Variants in PLAAT1 observed in about 807,000 individuals in gnomAD.
The protein encoded by PLAAT1 is phospholipase A and acyltransferase 1.
In PLAAT1, 13 loss-of-function variants were observed where a neutral mutation model predicts 16.4. The observed-to-expected ratio is 0.79, with a 90% CI of 0.52 to 1.26. PLAAT1 has a LOEUF of 1.26. Ranked by LOEUF, PLAAT1 falls within the 50% of genes most tolerant of loss-of-function variation. The pLI, the probability that PLAAT1 is intolerant of heterozygous loss-of-function variation, is 0.00. For synonymous variants in PLAAT1, 73 were observed against 78.4 expected, an observed-to-expected ratio of 0.93 and a Z score of 0.36; for missense variants, 218 against 207.8, an observed-to-expected ratio of 1.05 and a Z score of -0.30.
At position 193,270,636 on chromosome 3, in the gene PLAAT1, G is replaced by A; in HGVS notation, c.438G>A (p.Val146=). 1 of 1,613,610 alleles carries A rather than the reference G, an allele frequency of 6.2e-7. No individual in the cohort carries two copies. The highest frequency in any genetic ancestry group is 8.5e-7 in the Non-Finnish European group (1 of 1,179,656). ...GAGCGATAAGTACCGTTGAGTTTGT[G>A]ACAGCTGCTGTTGGTGTCTTCTCAT... ...ANRAISTVEF[V]TAAVGVFSFL... The change falls in exon 4 of 4, where the codon GTG becomes GTA. Residue 146 remains valine (V), a synonymous_variant. Coordinates refer to ENST00000264735, the MANE Select transcript of PLAAT1 (RefSeq NM_020386.5).
intron 3 of PLAAT1, among the ~76,000 whole-genome samples, chr3:193,267,587 C>A (rs1577311882): frequency 6.6e-6 from 1 of 152,102 alleles, no homozygotes; most frequent in Admixed American, 6.6e-5. Context: ...CTTGATTTAC[C>A]ACACCTTATT....
intron 3 of PLAAT1, among the ~76,000 whole-genome samples, chr3:193,263,972 A>G (rs1264792014): frequency 6.6e-6 from 1 of 152,202 alleles, no homozygotes; most frequent in Non-Finnish European, 1.5e-5. Context: ...ATATAAAACT[A>G]TTATCAAAAG....
At chr3:193,275,355 C>A, downstream of PLAAT1, 1 of 1,587,568 alleles carries the variant, frequency 6.3e-7, no homozygotes, top group Non-Finnish European at 8.5e-7. Context: ...CCCCCTGCAG[C>A]CAGGCCGCTG....
chr3:193,243,358 A>G (rs904037590), intron 1 of PLAAT1, among the ~76,000 whole-genome samples: 16 of 152,312 alleles, frequency 1.1e-4, no homozygotes, highest in Non-Finnish European at 1.8e-4. Flanking sequence ...GACAGGTTAC[A>G]GATATTTGCC....
chr3:193,241,982 C>G (rs1215607038), intron 1 of PLAAT1, among the ~76,000 whole-genome samples: 3 of 152,316 alleles, frequency 2.0e-5, no homozygotes, highest in African/African-American at 2.4e-5. Flanking sequence ...GCGAGGCACT[C>G]TCACCGGAGA....
chr3:193,255,275 T>C (rs1716333334), intron 1 of PLAAT1, among the ~76,000 whole-genome samples: 1 of 152,180 alleles, frequency 6.6e-6, no homozygotes, highest in South Asian at 2.1e-4. Context: ...CTTTTTATCC[T>C]AAATAGACCA....
At chr3:193,252,630 C>A (rs909035628) in intron 1 of PLAAT1, among the ~76,000 whole-genome samples, 1 of 152,092 alleles carries the variant, frequency 6.6e-6, no homozygotes. Context: ...TCTTTGTCTA[C>A]CCTAGACCCT....
chr3:193,276,612 A>G, intron 2 of PLAAT1: 1 of 637,864 alleles, frequency 1.6e-6, no homozygotes, highest in South Asian at 2.2e-5. Context: ...CCTCCAAAAG[A>G]ATATGTACCA....
At chr3:193,254,279 A>G (rs1473325016) in intron 1 of PLAAT1, among the ~76,000 whole-genome samples, 1 of 152,212 alleles carries the variant, frequency 6.6e-6, no homozygotes, top group Admixed American at 6.5e-5. Context: ...ATTAATTGTT[A>G]TAAAAAAGAC....
At chr3:193,279,875 C>T (rs535061464), downstream of PLAAT1, among the ~76,000 whole-genome samples, 20 of 149,180 alleles carry the variant, frequency 1.3e-4, no homozygotes, top group African/African-American at 4.7e-4. Context: ...CCTTTCTAAC[C>T]TGGTCTCTGA....
intron 2 of PLAAT1, 136 bp from the exon 3 acceptor site, chr3:193,262,834 T>G: frequency 1.2e-6 from 1 of 816,370 alleles, no homozygotes; most frequent in Non-Finnish European, 2.0e-6. Context: ...CTGATGAGAT[T>G]AAATGACTTT....
intron 2 of PLAAT1, chr3:193,276,803 C>T (rs1400258958): frequency 6.2e-7 from 1 of 1,613,656 alleles, no homozygotes; most frequent in Admixed American, 1.7e-5. Context: ...AAAATTAAAA[C>T]CCTCCACGAT....
In PLAAT1 at chr3:193,255,974, G is replaced by T. The variant is rs1055138917; in HGVS notation, c.139+185G>T. Reference sequence around the variant, plus strand: ...AAGCAGCATTGAAGAAATCACAAAGGCCAATTCACATGAAATTTTAAAACC... The same window carrying T: ...AAGCAGCATTGAAGAAATCACAAAGTCCAATTCACATGAAATTTTAAAACC... On this transcript the variant is annotated intron_variant, in intron 2 of 3. Coordinates refer to ENST00000264735, the MANE Select transcript of PLAAT1 (RefSeq NM_020386.5). 2.0e-5 allele frequency among the ~76,000 whole-genome samples: 3 copies of T among 152,034 alleles called. No individual in the cohort carries two copies. In the East Asian group the frequency reaches 5.8e-4, roughly 29 times the overall value.
chr3:193,269,308 C>T (rs545628573), intron 3 of PLAAT1, among the ~76,000 whole-genome samples: 2 of 152,114 alleles, frequency 1.3e-5, no homozygotes, highest in African/African-American at 2.4e-5. Flanking sequence ...AGTTGTTTGC[C>T]CTTACCATTC....
downstream of PLAAT1, among the ~76,000 whole-genome samples, chr3:193,279,075 GTAT>G (rs1717359592): frequency 6.6e-6 from 1 of 151,946 alleles, no homozygotes; most frequent in Non-Finnish European, 1.5e-5. Flanking sequence ...GAAAATTATT[GTAT>G]TATTGCATTA....
chr3:193,242,446 T>A (rs948625071), intron 1 of PLAAT1, among the ~76,000 whole-genome samples: 1 of 151,834 alleles, frequency 6.6e-6, no homozygotes, highest in Non-Finnish European at 1.5e-5. Flanking sequence ...TAAGATTGAG[T>A]CATTTGGGGC....
At chr3:193,271,742 G>C (rs972726885), downstream of PLAAT1, among the ~76,000 whole-genome samples, 1 of 152,070 alleles carries the variant, frequency 6.6e-6, no homozygotes, top group South Asian at 2.1e-4. Flanking sequence ...TTAATATTAG[G>C]GGGTTGATAC....
At chr3:193,275,030 C>T (rs376236338), downstream of PLAAT1, 30 of 1,613,618 alleles carry the variant, frequency 1.9e-5, no homozygotes, top group Admixed American at 3.3e-5. Context: ...GCATGTACGA[C>T]GACAATTCTG....
chr3:193,278,849 TCA>T, downstream of PLAAT1, among the ~76,000 whole-genome samples: 1 of 152,284 alleles, frequency 6.6e-6, no homozygotes, highest in East Asian at 1.9e-4. Flanking sequence ...TTTATTTCTC[TCA>T]CAATACGGGG....
Sources: gnomAD v4.1 joint callset for allele counts (sites outside exome capture counted in the v4.1 genomes callset) on GRCh38, gnomAD v4.1.1 for gene constraint, MANE v1.5 for transcripts, NCBI Gene and HGNC (gene_info 2026-07-23, HGNC 2026-07-21) for gene names.